The following PPP1CC variants were observed in gnomAD, a reference collection of about 807,000 sequenced individuals.
The protein encoded by PPP1CC is serine/threonine-protein phosphatase PP1-gamma catalytic subunit.
A neutral mutation model predicts 38.4 loss-of-function variants in PPP1CC; 16 were observed. That is an observed-to-expected ratio of 0.42 (90% CI 0.28 to 0.63). The LOEUF (loss-of-function observed/expected upper bound fraction) is 0.63, where lower values mean the gene tolerates loss of function less well. Among genes scored for constraint, PPP1CC ranks in the 30% least tolerant of loss-of-function variants. The pLI is 0.25. For missense variants in PPP1CC, 170 were observed against 391.3 expected (o/e 0.43, Z 4.77); for synonymous variants, 158 against 136.0 (o/e 1.16, Z -1.13).
chr12:110,741,315 G>C (rs1421395287), intron 1 of PPP1CC, among the ~76,000 whole-genome samples: 1 of 152,046 alleles, frequency 6.6e-6, no homozygotes, highest in African/African-American at 2.4e-5. Context: ...TAACACCAGA[G>C]CTGTCCAACT....
rs759819319 is a variant in PPP1CC at position 110,742,731 on chromosome 12, C to CGCA, written c.-27_-25dup. 1.4e-6 allele frequency: 2 copies of CGCA among 1,398,670 alleles called. No individual in the cohort carries two copies. Among genetic ancestry groups the CGCA allele is most frequent in the South Asian group, 1.7e-5 (1 of 58,368 alleles). The allele number at this position is 1,398,670 out of a possible 1,614,324, so 86.6% of individuals were successfully genotyped here. A position where few individuals can be genotyped will look rare whatever the true frequency, so the allele number is the denominator to read the frequency against. ...ATCGCCTTCCCACCGCCGACCCTCC[C>CGCA]GCAGCGGCGCCGCCGCCGGCTCGCG... On this transcript the variant is annotated 5_prime_UTR_variant, in exon 1 of 7. Transcript: ENST00000335007.
chr12:110,734,973 G>C (rs990926792), intron 1 of PPP1CC: 11 of 129,536 alleles, frequency 8.5e-5, no homozygotes, highest in African/African-American at 2.9e-4. Context: ...CTGGGCGACA[G>C]AGTGAGACTC....
chr12:110,730,073 A>T (rs2069854542), intron 3 of PPP1CC, among the ~76,000 whole-genome samples: 1 of 152,234 alleles, frequency 6.6e-6, no homozygotes, highest in African/African-American at 2.4e-5. Context: ...AGAGAGAAAA[A>T]ACTGGCTGGG....
rs2069730739 is a variant in PPP1CC, at chr12:110,720,880, T to G, written c.*196A>C. On this transcript the variant is annotated 3_prime_UTR_variant, in exon 7 of 7. Coordinates refer to ENST00000335007, the MANE Select transcript of PPP1CC (RefSeq NM_002710.4). ...AACAGAGAATTAAAAAACAAAACAC[T>G]TTTCTTTTTGGAGTGAAGAGTCTTT... 7 of 483,268 alleles carry G rather than the reference T, an allele frequency of 1.4e-5. No homozygotes were observed. Among genetic ancestry groups the G allele is most frequent in the Non-Finnish European group, 2.2e-5 (6 of 269,996 alleles). 29.9% of individuals were successfully genotyped at this position (483,268 alleles called of 1,614,324 possible).
At position 110,721,146 on chromosome 12, in the gene PPP1CC, T is replaced by C; in HGVS notation, c.902A>G (p.Lys301Arg). ...AGGTCTCGTGGCATTTGGCTTCTTT[T>C]TCTCTGCAGGCTTTAAAATCTGGAG... ...CSFQILKPAE[K>R]KKPNATRPVT... The change falls in exon 7 of 7, where the codon AAA becomes AGA. Residue 301 changes from lysine (K) to arginine (R), a missense_variant. Transcript: ENST00000335007. The C allele has an allele frequency of 6.2e-7, 1 of 1,613,876 alleles. No individual in the cohort carries two copies. Among genetic ancestry groups the C allele is most frequent in the Admixed American group, 1.7e-5 (1 of 60,008 alleles).
At position 110,722,857 on chromosome 12, in the gene PPP1CC, C is replaced by G. The variant is rs2069755414; in HGVS notation, c.524-162G>C. Among the ~76,000 whole-genome samples, 1 of 151,998 alleles carries G rather than the reference C, an allele frequency of 6.6e-6. No homozygotes were observed. Among genetic ancestry groups the G allele is most frequent in the African/African-American group, 2.4e-5 (1 of 41,360 alleles). ...TACTTTTGGTTAAAAGAAAAAAACA[C>G]AGAAAAAGGACAACTGGATACACAC... On this transcript the variant is annotated intron_variant, in intron 4 of 6. Transcript: ENST00000335007. This position sits in a 1 kb window ranked among gnomAD's most constrained non-coding sequence, Gnocchi z 5.4.
chr12:110,729,851 T>C (rs1394498973), intron 3 of PPP1CC, among the ~76,000 whole-genome samples: 1 of 152,236 alleles, frequency 6.6e-6, no homozygotes, highest in Non-Finnish European at 1.5e-5. Context: ...AACAGAATAA[T>C]TTTATGGAAT....
chr12:110,721,289 C>T (rs1566080952), intron 6 of PPP1CC, 124 bp from the exon 7 acceptor site: 3 of 697,796 alleles, frequency 4.3e-6, no homozygotes, highest in East Asian at 2.7e-5. Flanking sequence ...CTGTAAAAGC[C>T]CCCCTAGCAT....
At chr12:110,723,430 G>T (rs960526612) in intron 4 of PPP1CC, among the ~76,000 whole-genome samples, 1 of 152,326 alleles carries the variant, frequency 6.6e-6, no homozygotes, top group African/African-American at 2.4e-5. Context: ...TACAGGAAAA[G>T]AAATTCTCTT....
chr12:110,735,141 C>T (rs549848073), intron 1 of PPP1CC, among the ~76,000 whole-genome samples: 2 of 151,380 alleles, frequency 1.3e-5, no homozygotes, highest in Non-Finnish European at 2.9e-5. Flanking sequence ...GCAACCTCCA[C>T]CTCCTGGGTT....
the PPP1CC span, among the ~76,000 whole-genome samples, chr12:110,709,005 T>C: frequency 1.3e-5 from 2 of 151,888 alleles, no homozygotes; most frequent in African/African-American, 2.4e-5. Flanking sequence ...GAGAATCCCA[T>C]GGATAAAGAT....
chr12:110,711,040 G>C, the PPP1CC span, among the ~76,000 whole-genome samples: 2 of 151,872 alleles, frequency 1.3e-5, no homozygotes, highest in African/African-American at 4.8e-5. Context: ...GCCAGGCATG[G>C]TGGCATGTGC....
At chr12:110,712,677 T>C in the PPP1CC span, among the ~76,000 whole-genome samples, 10 of 127,050 alleles carry the variant, frequency 7.9e-5, no homozygotes, top group Admixed American at 2.4e-4. Flanking sequence ...GGGGGGGCAC[T>C]GAAATCCCCT....
At position 110,742,872 on chromosome 12, in the gene PPP1CC, C is replaced by G. The variant is rs1024259451; in HGVS notation, c.-165G>C. The G allele has an allele frequency of 6.9e-6, 3 of 437,530 alleles. No individual in the cohort carries two copies. The highest frequency in any genetic ancestry group is 1.2e-5 in the Non-Finnish European group (3 of 254,514). The allele number at this position is 437,530 out of a possible 1,614,324, so 27.1% of individuals were successfully genotyped here. ...CCGCTCCCTACTTCCTCCTTCTCTC[C>G]CCACTGGAACCACGAGAAGAACAAA... On this transcript the variant is annotated 5_prime_UTR_variant, in exon 1 of 7. Transcript: ENST00000335007.
rs1252277220 is a variant in PPP1CC at position 110,720,111 on chromosome 12, TAGGCCAAAGAA to T, written c.*954_*964del. The T allele has an allele frequency of 3.3e-6, 5 of 1,536,152 alleles. No homozygotes were observed. In the East Asian group the frequency reaches 1.2e-4, roughly 37 times the overall value. ...CAACTTCACCGCAGAATAAAGAATGTAGGCCAAAGAAAGCATAATCGGTCACTCGTATAGAA... is the reference window on the plus strand; with the variant it reads ...CAACTTCACCGCAGAATAAAGAATGTAGCATAATCGGTCACTCGTATAGAA... On this transcript the variant is annotated 3_prime_UTR_variant, in exon 7 of 7. Coordinates refer to ENST00000335007, the MANE Select transcript of PPP1CC (RefSeq NM_002710.4).
the PPP1CC span, among the ~76,000 whole-genome samples, chr12:110,712,574 AG>A: frequency 7.2e-5 from 9 of 125,234 alleles, no homozygotes; most frequent in African/African-American, 2.7e-4. Flanking sequence ...CGGGAAGCGG[AG>A]GTTGCACTGA....
At chr12:110,732,130 A>G in intron 1 of PPP1CC, 1 of 573,718 alleles carries the variant, frequency 1.7e-6, no homozygotes, top group Non-Finnish European at 3.1e-6. Context: ...ATTCCAAAAA[A>G]GGAGCCATCC....
Position 110,721,208 on chromosome 12 carries a change from C to T in PPP1CC, c.883-43G>A, listed in dbSNP as rs1001967791. 5.9e-6 allele frequency: 9 copies of T among 1,532,622 alleles called. No homozygotes were observed. In the Admixed American group the frequency reaches 1.0e-4, roughly 17 times the overall value. 94.9% of individuals were successfully genotyped at this position (1,532,622 alleles called of 1,614,324 possible). On this transcript the variant is annotated intron_variant, in intron 6 of 6. Transcript: ENST00000335007. ...AGTTAATTTAGGAAATATACTCAACCCCAAATCTTAAGAGTCCTTAAATTT... is the reference window on the plus strand; with the variant it reads ...AGTTAATTTAGGAAATATACTCAACTCCAAATCTTAAGAGTCCTTAAATTT...
At chr12:110,716,956 C>G (rs1293119177), downstream of PPP1CC, among the ~76,000 whole-genome samples, 2 of 152,158 alleles carry the variant, frequency 1.3e-5, no homozygotes, top group Non-Finnish European at 2.9e-5. Context: ...TGTTGATAGT[C>G]CATCATTTCC....
Sources: allele counts gnomAD v4.1 joint callset (sites outside exome capture counted in the v4.1 genomes callset), GRCh38; gene constraint gnomAD v4.1.1; non-coding constraint Gnocchi (gnomAD v3.1); transcripts MANE v1.5; gene names NCBI Gene and HGNC (gene_info 2026-07-23, HGNC 2026-07-21).